Variants in AKAP13 observed in about 807,000 individuals in gnomAD.
AKAP13 encodes A-kinase anchoring protein 13.
Under a neutral mutation model 264.5 loss-of-function variants are expected in AKAP13, and 80 were observed. The observed-to-expected ratio is 0.30, with a 90% CI of 0.25 to 0.36. The LOEUF (loss-of-function observed/expected upper bound fraction) is 0.36. AKAP13 is among the 10% of genes least tolerant of loss of function. The pLI, the probability that AKAP13 is intolerant of heterozygous loss-of-function variation, is 1.00. For missense variants in AKAP13, 3,712 were observed against 3,435.2 expected, an observed-to-expected ratio of 1.08 and a Z score of -2.01; for synonymous variants, 1,380 against 1,250.2, an observed-to-expected ratio of 1.10 and a Z score of -2.19.
chr15:85,649,409 C>A (rs778484532), intron 10 of AKAP13, among the ~76,000 whole-genome samples: 1 of 152,210 alleles, frequency 6.6e-6, no homozygotes, highest in Non-Finnish European at 1.5e-5. Flanking sequence ...TAAAAGTCTT[C>A]CTCAGTGGTC....
intron 35 of AKAP13, among the ~76,000 whole-genome samples, chr15:85,743,160 T>G (rs1222465277): frequency 6.6e-6 from 1 of 152,196 alleles, no homozygotes; most frequent in African/African-American, 2.4e-5. Flanking sequence ...TAAGCAGCTC[T>G]CCTTGTTTCT....
chr15:85,680,649 G>T (rs2084539737), intron 14 of AKAP13, among the ~76,000 whole-genome samples: 1 of 152,182 alleles, frequency 6.6e-6, no homozygotes, highest in Non-Finnish European at 1.5e-5. Context: ...AGGATTGCCT[G>T]AGCCCAGGGG....
At chr15:85,655,053 G>C (rs1335146369) in intron 10 of AKAP13, among the ~76,000 whole-genome samples, 1 of 152,028 alleles carries the variant, frequency 6.6e-6, no homozygotes, top group Non-Finnish European at 1.5e-5. Flanking sequence ...TTAGCCAGGC[G>C]TAGTGGTGCA....
At chr15:85,639,106 C>T (rs1011516500) in intron 8 of AKAP13, among the ~76,000 whole-genome samples, 3 of 152,212 alleles carry the variant, frequency 2.0e-5, no homozygotes, top group Middle Eastern at 3.4e-3. Context: ...TAATTTTACC[C>T]TTGGCCTACA....
intron 5 of AKAP13, among the ~76,000 whole-genome samples, chr15:85,550,711 C>T (rs776844412): frequency 1.3e-5 from 2 of 152,148 alleles, no homozygotes; most frequent in Non-Finnish European, 2.9e-5. Flanking sequence ...ACAGACATAC[C>T]TTAAAAATAA....
chr15:85,593,062 C>A (rs992095370), intron 8 of AKAP13, among the ~76,000 whole-genome samples: 2 of 152,174 alleles, frequency 1.3e-5, no homozygotes, highest in Non-Finnish European at 2.9e-5. Context: ...GTAATCCCAG[C>A]ACTTCGGGAG....
intron 1 of AKAP13, among the ~76,000 whole-genome samples, chr15:85,406,473 C>G (rs576500922): frequency 6.8e-6 from 1 of 146,866 alleles, no homozygotes; most frequent in Non-Finnish European, 1.5e-5. Flanking sequence ...ATTTTATATA[C>G]CATATTGCTC....
At chr15:85,696,542 C>A (rs575823006) in intron 17 of AKAP13, among the ~76,000 whole-genome samples, 39 of 152,168 alleles carry the variant, frequency 2.6e-4, no homozygotes, top group African/African-American at 8.7e-4. Flanking sequence ...TTTTTACATC[C>A]CTCCTTGCAG....
intron 17 of AKAP13, among the ~76,000 whole-genome samples, chr15:85,698,624 G>C (rs183559984): frequency 6.7e-6 from 1 of 150,180 alleles, no homozygotes; most frequent in Non-Finnish European, 1.5e-5. Context: ...AACCATAGAC[G>C]ATGGATGTGA....
intron 9 of AKAP13, among the ~76,000 whole-genome samples, chr15:85,641,901 G>C (rs1255752010): frequency 6.6e-6 from 1 of 152,156 alleles, no homozygotes; most frequent in Non-Finnish European, 1.5e-5. Flanking sequence ...TCAGCAGTGT[G>C]TTTTCCTGCC....
Position 85,747,545 on chromosome 15 carries a change from C to T in AKAP13, c.*2868C>T, listed in dbSNP as rs1194465608. ...TCCAGAGCCCCCAGATTTCCAGAAT[C>T]GAGTGAGCTTCCTGGAAGGAGACTG... On this transcript the variant is annotated 3_prime_UTR_variant, in exon 37 of 37. Transcript: ENST00000394518. 6.6e-6 allele frequency: 1 copy of T among 152,644 alleles called. No individual in the cohort carries two copies. Among genetic ancestry groups the T allele is most frequent in the Non-Finnish European group, 1.5e-5 (1 of 68,040 alleles). 9.5% of individuals were successfully genotyped at this position (152,644 alleles called of 1,614,324 possible).
At chr15:85,544,092 G>A in intron 5 of AKAP13, 137 bp downstream of exon 5, 1 of 1,052,998 alleles carries the variant, frequency 9.5e-7, no homozygotes, top group Non-Finnish European at 1.4e-6. Context: ...GCCTTCTGCT[G>A]GAGGTTTGTA....
chr15:85,458,334 T>C (rs544365781), intron 1 of AKAP13, among the ~76,000 whole-genome samples: 8 of 151,394 alleles, frequency 5.3e-5, no homozygotes, highest in African/African-American at 1.9e-4. Context: ...GAATAATCAC[T>C]ATGAACATTT....
At chr15:85,625,715 G>A (rs2081378601) in intron 8 of AKAP13, among the ~76,000 whole-genome samples, 1 of 152,176 alleles carries the variant, frequency 6.6e-6, no homozygotes, top group Admixed American at 6.5e-5. Flanking sequence ...CGAAGTTTCA[G>A]ATGTCTTTCC....
rs1161144114 is a variant in AKAP13 at position 85,580,030 on chromosome 15, T to A, written c.1962T>A (p.Ser654=). The A allele has an allele frequency of 1.2e-6, 2 of 1,614,082 alleles. No individual in the cohort carries two copies. The highest frequency in any genetic ancestry group is 4.5e-5 in the East Asian group (2 of 44,904). Residue 654 remains serine, a synonymous_variant, in exon 7 of 37, where the codon TCT becomes TCA. Coordinates refer to ENST00000394518, the MANE Select transcript of AKAP13 (RefSeq NM_007200.5). ...AGGGCAAATCCTCACCCATTTGTTC[T>A]ACAACTGGAGACGATAAACTTTGTG... The part of the protein sequence containing the change: ...SQKGKSSPIC[S]TTGDDKLCAD...
intron 2 of AKAP13, among the ~76,000 whole-genome samples, chr15:85,488,930 C>CT (rs2075649649): frequency 6.6e-6 from 1 of 152,092 alleles, no homozygotes; most frequent in Non-Finnish European, 1.5e-5. Flanking sequence ...CAGTAGAAAA[C>CT]TAATAGAGTA....
At chr15:85,613,214 T>A (rs1332134498) in intron 8 of AKAP13, among the ~76,000 whole-genome samples, 1 of 152,260 alleles carries the variant, frequency 6.6e-6, no homozygotes, top group Non-Finnish European at 1.5e-5. Context: ...AGTGTCTCAT[T>A]TCCCTTTTGG....
chr15:85,577,811 A>C, intron 6 of AKAP13: 1 of 985,342 alleles, frequency 1.0e-6, no homozygotes, highest in Non-Finnish European at 1.2e-6. Flanking sequence ...TGACCCCATA[A>C]CTCGATGGTT....
intron 5 of AKAP13, among the ~76,000 whole-genome samples, chr15:85,561,791 T>C (rs2078387375): frequency 6.6e-6 from 1 of 152,134 alleles, no homozygotes; most frequent in African/African-American, 2.4e-5. Flanking sequence ...CCCCTCAGGA[T>C]GAAAAGCAAG....
Sources: allele counts gnomAD v4.1 joint callset (sites outside exome capture counted in the v4.1 genomes callset), GRCh38; gene constraint gnomAD v4.1.1; transcripts MANE v1.5; gene names NCBI Gene and HGNC (gene_info 2026-07-23, HGNC 2026-07-21).